HDAC9: variants seen among roughly 807,000 people sequenced by gnomAD.
The protein encoded by HDAC9 is histone deacetylase 9.
In HDAC9, 41 loss-of-function variants were observed where a neutral mutation model predicts 139.4. The ratio of observed to expected loss-of-function variants is 0.29; its 90% CI spans 0.23 to 0.38. HDAC9 has a LOEUF of 0.38. HDAC9 is among the 10% of genes least tolerant of loss of function. The pLI, the probability that HDAC9 is intolerant of heterozygous loss-of-function variation, is 1.00. For missense variants in HDAC9, 1,147 were observed against 1,297.0 expected (o/e 0.88, Z 1.78); for synonymous variants, 517 against 476.2 (o/e 1.09, Z -1.12).
At chr7:18,444,200 G>A (rs1315928465) in intron 1 of HDAC9, among the ~76,000 whole-genome samples, 4 of 151,724 alleles carry the variant, frequency 2.6e-5, no homozygotes, top group Admixed American at 6.6e-5. Flanking sequence ...TTAGCCAAGC[G>A]TGGTGGCGTG....
chr7:18,764,877 ATGAGACCTGTCAGTCTTT>A lies in HDAC9; in HGVS notation c.2165-2228_2165-2211del, dbSNP rs781201740. The stretch of plus-strand genomic sequence containing the variant: ...AGGGTTTAAATAAAAGTTCAGTATG[ATGAGACCTGTCAGTCTTT>A]GTATCTTGAAAGACATCTATAGATG... On this transcript the variant is annotated intron_variant, in intron 15 of 25. Coordinates refer to ENST00000686413, the MANE Select transcript of HDAC9 (RefSeq NM_178425.4). Among the ~76,000 whole-genome samples, 731 of 152,296 alleles carry A rather than the reference ATGAGACCTGTCAGTCTTT, an allele frequency of 4.8e-3. 4 individuals carry two copies. The highest frequency in any genetic ancestry group is 7.6e-3 in the Non-Finnish European group (520 of 68,022).
At chr7:18,759,350 A>C (rs1427049234) in intron 14 of HDAC9, among the ~76,000 whole-genome samples, 1 of 152,082 alleles carries the variant, frequency 6.6e-6, no homozygotes, top group East Asian at 1.9e-4. Context: ...TGTTGCTTGC[A>C]TTACCGTCTG....
chr7:18,403,123 G>C (rs964533718), intron 1 of HDAC9, among the ~76,000 whole-genome samples: 2 of 152,136 alleles, frequency 1.3e-5, no homozygotes, highest in African/African-American at 4.8e-5. Context: ...TTTATTTACA[G>C]ATTTGGAGCT....
At chr7:18,790,102 G>A (rs934571972) in intron 16 of HDAC9, among the ~76,000 whole-genome samples, 5 of 152,124 alleles carry the variant, frequency 3.3e-5, no homozygotes, top group African/African-American at 4.8e-5. Context: ...TTATGAAACT[G>A]TAACATGGAA....
chr7:18,363,874 C>G (rs1453612954), intron 1 of HDAC9, among the ~76,000 whole-genome samples: 2 of 151,974 alleles, frequency 1.3e-5, no homozygotes, highest in African/African-American at 4.8e-5. Context: ...TACTGACTGC[C>G]CCAGAATTCA....
chr7:18,585,464 A>G lies in HDAC9; in HGVS notation c.206A>G (p.Gln69Arg). 6.2e-7 allele frequency: 1 copy of G among 1,613,972 alleles called. No homozygotes were observed. The highest frequency in any genetic ancestry group is 8.5e-7 in the Non-Finnish European group (1 of 1,179,876). Residue 69 changes from glutamine to arginine, a missense_variant, in exon 3 of 26, where the codon CAG (glutamine) becomes CGG (arginine). Gln to Arg is a conservative substitution (Grantham distance 43). Coordinates refer to ENST00000686413, the MANE Select transcript of HDAC9 (RefSeq NM_178425.4). ...IQKQLLIAEF[Q>R]KQHENLTRQH... The stretch of plus-strand genomic sequence containing the variant: ...AAGCAGCTTCTGATAGCAGAGTTTC[A>G]GAAACAGCATGAGAACTTGACACGG...
At position 18,552,874 on chromosome 7, in the gene HDAC9, GAGA is replaced by G. The variant is rs1159735109; in HGVS notation, c.23-32403_23-32401del. ...GTGTTTGTAGAATTATCATCAAAGA[GAGA>G]AGATTATTCTTCCAGATGGCATTTA... On this transcript the variant is annotated intron_variant, in intron 2 of 25. Coordinates refer to ENST00000686413, the MANE Select transcript of HDAC9 (RefSeq NM_178425.4). Among the ~76,000 whole-genome samples the G allele has an allele frequency of 4.6e-5, 7 of 152,308 alleles. No homozygotes were observed. In the East Asian group the frequency reaches 1.2e-3, roughly 25 times the overall value.
At chr7:18,374,551 CATAGA>C (rs1784845176) in intron 1 of HDAC9, among the ~76,000 whole-genome samples, 2 of 151,946 alleles carry the variant, frequency 1.3e-5, no homozygotes, top group South Asian at 4.2e-4. Context: ...TGTATCTAGG[CATAGA>C]AAAGGTAATG....
intron 1 of HDAC9, among the ~76,000 whole-genome samples, chr7:18,473,414 T>A (rs1794875595): frequency 6.6e-6 from 1 of 152,210 alleles, no homozygotes; most frequent in Non-Finnish European, 1.5e-5. Context: ...ACAGTTCCTA[T>A]ATACACATCA....
chr7:18,396,335 A>G (rs1421555096), intron 1 of HDAC9, among the ~76,000 whole-genome samples: 2 of 152,150 alleles, frequency 1.3e-5, no homozygotes, highest in Admixed American at 6.6e-5. Flanking sequence ...TAAGATGATT[A>G]CAGAAATGAA....
chr7:18,921,535 C>A (rs1021527122), intron 22 of HDAC9, among the ~76,000 whole-genome samples: 1 of 152,188 alleles, frequency 6.6e-6, no homozygotes, highest in Non-Finnish European at 1.5e-5. Flanking sequence ...GAGATACCAT[C>A]TCACACCAGT....
chr7:18,342,228 G>A lies in HDAC9; in HGVS notation c.-42+51713G>A, dbSNP rs538992587. On this transcript the variant is annotated intron_variant, in intron 1 of 3. Transcript: ENST00000413509. ...CTCTCTGATTCTTCCTCCTGTGAAC[G>A]CTTTGGTGTTGTCAGACTTTCAGCT... Among the ~76,000 whole-genome samples, 6 of 151,850 alleles carry A rather than the reference G, an allele frequency of 4.0e-5. No homozygotes were observed. In the South Asian group the frequency reaches 8.3e-4, roughly 21 times the overall value.
intron 21 of HDAC9, among the ~76,000 whole-genome samples, chr7:18,863,338 A>G (rs1798250825): frequency 6.6e-6 from 1 of 152,314 alleles, no homozygotes; most frequent in Non-Finnish European, 1.5e-5. Context: ...CCCATGGCCC[A>G]TGGGCCACAT....
intron 24 of HDAC9, among the ~76,000 whole-genome samples, chr7:18,968,507 T>C (rs1784031674): frequency 6.6e-6 from 1 of 152,178 alleles, no homozygotes; most frequent in Non-Finnish European, 1.5e-5. Flanking sequence ...ACTGTCTTTC[T>C]TTCAGACATT....
intron 11 of HDAC9, among the ~76,000 whole-genome samples, chr7:18,653,435 A>G (rs1411620474): frequency 6.6e-6 from 1 of 151,862 alleles, no homozygotes; most frequent in Non-Finnish European, 1.5e-5. Flanking sequence ...TTCCTTTCTT[A>G]TATGCTCTGT....
chr7:18,392,802 A>T lies in HDAC9; in HGVS notation c.-42+102287A>T, dbSNP rs77021930. Among the ~76,000 whole-genome samples the T allele has an allele frequency of 4.4e-3, 664 of 151,854 alleles. 5 individuals are homozygous for T. The highest frequency in any genetic ancestry group is 0.015 in the African/African-American group (638 of 41,430). On this transcript the variant is annotated intron_variant, in intron 1 of 3. Transcript: ENST00000413509. ...TGATTTAGACTAGAAAGAACCAGCGAGGGCTAAGGGAAGCAGCTGAATATA... is the reference window on the plus strand; with the variant it reads ...TGATTTAGACTAGAAAGAACCAGCGTGGGCTAAGGGAAGCAGCTGAATATA...
intron 1 of HDAC9, among the ~76,000 whole-genome samples, chr7:18,439,350 A>G (rs1791527093): frequency 1.3e-5 from 2 of 152,230 alleles, no homozygotes; most frequent in East Asian, 3.9e-4. Flanking sequence ...TGACTTCCCA[A>G]TAGCAATGAT....
At chr7:18,792,727 T>G (rs1792434496) in intron 16 of HDAC9, among the ~76,000 whole-genome samples, 1 of 152,224 alleles carries the variant, frequency 6.6e-6, no homozygotes, top group Non-Finnish European at 1.5e-5. Context: ...GCTTATACTT[T>G]GAACATCACA....
chr7:18,940,309 A>G (rs1299002161), intron 23 of HDAC9, among the ~76,000 whole-genome samples: 1 of 152,208 alleles, frequency 6.6e-6, no homozygotes, highest in Non-Finnish European at 1.5e-5. Flanking sequence ...TCTCTTAACT[A>G]TTCTTTTCAG....
Sources: gnomAD v4.1 joint callset for allele counts (sites outside exome capture counted in the v4.1 genomes callset) on GRCh38, gnomAD v4.1.1 for gene constraint, MANE v1.5 for transcripts, NCBI Gene and HGNC (gene_info 2026-07-23, HGNC 2026-07-21) for gene names.